Variants in PPP1R21 observed in about 807,000 individuals in gnomAD.
PPP1R21 encodes the protein KLRAQ motif containing 1.
PPP1R21 carries 85 observed loss-of-function variants against 112.8 expected under a neutral mutation model. The ratio of observed to expected loss-of-function variants is 0.75; its 90% CI spans 0.63 to 0.90. The LOEUF (loss-of-function observed/expected upper bound fraction) is 0.90. Among genes scored for constraint, PPP1R21 ranks in the 40% least tolerant of loss-of-function variants. The pLI is 0.00. For synonymous variants in PPP1R21, 381 were observed against 322.3 expected (o/e 1.18, Z -1.95); for missense variants, 1,199 against 901.5 (o/e 1.33, Z -4.23).
chr2:48,503,576 AT>A (rs1192204962), intron 17 of PPP1R21, among the ~76,000 whole-genome samples: 2 of 152,172 alleles, frequency 1.3e-5, no homozygotes, highest in African/African-American at 4.8e-5. Flanking sequence ...TTACCAAATT[AT>A]TTTTTAAAAG....
chr2:48,491,787 A>G (rs1669576695), intron 15 of PPP1R21, among the ~76,000 whole-genome samples: 1 of 152,140 alleles, frequency 6.6e-6, no homozygotes, highest in Non-Finnish European at 1.5e-5. Context: ...GGATATATTT[A>G]TATATATCTC....
chr2:48,493,875 C>T (rs545749024), intron 15 of PPP1R21, among the ~76,000 whole-genome samples: 1 of 151,932 alleles, frequency 6.6e-6, no homozygotes, highest in South Asian at 2.1e-4. Context: ...GTAGCTTATA[C>T]TGATGCTCCT....
At chr2:48,492,599 C>T (rs1017215558) in intron 15 of PPP1R21, among the ~76,000 whole-genome samples, 1 of 152,138 alleles carries the variant, frequency 6.6e-6, no homozygotes, top group Non-Finnish European at 1.5e-5. Context: ...TAAATGTTTC[C>T]TTAGGCACAT....
chr2:48,495,049 CTG>C (rs1223769421), intron 15 of PPP1R21, among the ~76,000 whole-genome samples: 1 of 152,146 alleles, frequency 6.6e-6, no homozygotes, highest in African/African-American at 2.4e-5. Context: ...TTACTGAATA[CTG>C]TACTGAAAGT....
chr2:48,466,335 C>T (rs1304904648), intron 9 of PPP1R21, among the ~76,000 whole-genome samples: 2 of 152,060 alleles, frequency 1.3e-5, no homozygotes, highest in East Asian at 1.9e-4. Context: ...CCTCAGCTTC[C>T]CAACTAGCTG....
At chr2:48,465,686 A>G (rs1668170676) in intron 9 of PPP1R21, 44 bp downstream of exon 9, 3 of 1,564,774 alleles carry the variant, frequency 1.9e-6, no homozygotes, top group African/African-American at 1.4e-5. Context: ...TGAACAAAAT[A>G]GGGAGATATT....
Position 48,449,762 on chromosome 2 carries a change from AT to A in PPP1R21, c.58-1232del, listed in dbSNP as rs879865200. Among the ~76,000 whole-genome samples the A allele has an allele frequency of 4.1e-3, 596 of 146,068 alleles. 6 individuals carry two copies. The highest frequency in any genetic ancestry group is 7.1e-3 in the South Asian group (33 of 4,638). ...TTTTTATTTTTAATTTTAGAAATAG[AT>A]TTTTTTTTTTTTTAAAGCTCACATA... On this transcript the variant is annotated intron_variant, in intron 1 of 21. Coordinates refer to ENST00000294952, the MANE Select transcript of PPP1R21 (RefSeq NM_001135629.3).
rs569348639 is a variant in PPP1R21, at chr2:48,481,799, A to G, written c.1318+1783A>G. On this transcript the variant is annotated intron_variant, in intron 13 of 21. Transcript: ENST00000294952. ...TCTTAATACGGTAATCTGAAATCCAAAATGCTTCAAAATCTTAAGCTTTTC... is the reference window on the plus strand; with the variant it reads ...TCTTAATACGGTAATCTGAAATCCAGAATGCTTCAAAATCTTAAGCTTTTC... Among the ~76,000 whole-genome samples the G allele has an allele frequency of 1.1e-3, 164 of 152,328 alleles. 1 individual carries two copies. The Middle Eastern group carries it at 0.014, about 13-fold the overall frequency.
chr2:48,469,766 G>T (rs1038310478), intron 9 of PPP1R21, among the ~76,000 whole-genome samples: 1 of 151,550 alleles, frequency 6.6e-6, no homozygotes, highest in Non-Finnish European at 1.5e-5. Flanking sequence ...CTTTACCTTT[G>T]GTGCTTTGGC....
intron 13 of PPP1R21, among the ~76,000 whole-genome samples, chr2:48,484,201 G>A (rs1245258000): frequency 6.6e-6 from 1 of 152,184 alleles, no homozygotes; most frequent in Non-Finnish European, 1.5e-5. Flanking sequence ...CCATGCTTGT[G>A]TCTGTAAGTT....
chr2:48,504,417 C>T (rs766692141), intron 17 of PPP1R21, among the ~76,000 whole-genome samples: 10 of 152,182 alleles, frequency 6.6e-5, no homozygotes, highest in Non-Finnish European at 1.0e-4. Flanking sequence ...GTGAGGCAGG[C>T]AGATCACGAG....
intron 18 of PPP1R21, among the ~76,000 whole-genome samples, chr2:48,505,968 G>C (rs1572897883): frequency 6.6e-6 from 1 of 152,302 alleles, no homozygotes; most frequent in South Asian, 2.1e-4. Context: ...GGGCTATCTA[G>C]GGCCTTGACC....
chr2:48,469,958 A>G (rs1033431541), intron 9 of PPP1R21, among the ~76,000 whole-genome samples: 2 of 152,128 alleles, frequency 1.3e-5, no homozygotes, highest in African/African-American at 2.4e-5. Context: ...GCCCAAAGAG[A>G]TTAAGTTACC....
At chr2:48,474,166 C>T (rs1037484527) in intron 11 of PPP1R21, among the ~76,000 whole-genome samples, 2 of 151,312 alleles carry the variant, frequency 1.3e-5, no homozygotes, top group African/African-American at 2.4e-5. Context: ...GCGGATCACC[C>T]GAGGTCAGGA....
chr2:48,507,192 CTTTTTTTT>C, intron 18 of PPP1R21, 69 bp from the exon 19 acceptor site: 1 of 1,140,816 alleles, frequency 8.8e-7, no homozygotes, highest in East Asian at 3.5e-5. Flanking sequence ...AAAATGTTGT[CTTTTTTTT>C]TTTTTTTTTC....
chr2:48,500,847 C>T (rs768620308), intron 17 of PPP1R21, among the ~76,000 whole-genome samples: 28 of 152,014 alleles, frequency 1.8e-4, no homozygotes, highest in South Asian at 4.2e-4. Context: ...AGGCGGAGGT[C>T]GCAGTGAGCT....
intron 8 of PPP1R21, among the ~76,000 whole-genome samples, chr2:48,465,253 GT>G (rs1668149768): frequency 6.6e-6 from 1 of 152,110 alleles, no homozygotes; most frequent in South Asian, 2.1e-4. Flanking sequence ...ATACTTTTTT[GT>G]GGATTGGTAG....
At chr2:48,448,509 T>C (rs1241522628) in intron 1 of PPP1R21, among the ~76,000 whole-genome samples, 1 of 152,200 alleles carries the variant, frequency 6.6e-6, no homozygotes, top group East Asian at 1.9e-4. Flanking sequence ...CTTGAAGTAG[T>C]CGTTAGGAGC....
rs189813374 is a variant in PPP1R21, at chr2:48,489,967, C to T, written c.1447-1051C>T. On this transcript the variant is annotated intron_variant, in intron 14 of 21. Coordinates refer to ENST00000294952, the MANE Select transcript of PPP1R21 (RefSeq NM_001135629.3). ...AGCTGAGCCAGGAGAATGGCTTGAA[C>T]CCAGGAGGTGGAGGTTGCAGTGAGC... 7.6e-3 allele frequency among the ~76,000 whole-genome samples: 1,164 copies of T among 152,206 alleles called. 11 individuals are homozygous for T. The highest frequency in any genetic ancestry group is 0.012 in the Non-Finnish European group (800 of 67,994).
Sources: gnomAD v4.1 joint callset for allele counts (sites outside exome capture counted in the v4.1 genomes callset) on GRCh38, gnomAD v4.1.1 for gene constraint, MANE v1.5 for transcripts, NCBI Gene and HGNC (gene_info 2026-07-23, HGNC 2026-07-21) for gene names.